The following ACOXL variants were observed in gnomAD, a reference collection of about 807,000 sequenced individuals.
The protein encoded by ACOXL is acyl-CoA oxidase like, also known as acyl-coenzyme A oxidase-like protein.
A neutral mutation model predicts 71.9 loss-of-function variants in ACOXL; 70 were observed. That is an observed-to-expected ratio of 0.97 (90% CI 0.80 to 1.19). ACOXL has a LOEUF of 1.19. Among genes scored for constraint, ACOXL ranks in the 50% most tolerant of loss-of-function variants. The probability of loss-of-function intolerance (pLI) is 0.00; values close to 1 mark genes in which losing one functional copy is unlikely to be tolerated. For synonymous variants in ACOXL, 253 were observed against 281.6 expected, an observed-to-expected ratio of 0.90 and a Z score of 1.02; for missense variants, 703 against 736.3, an observed-to-expected ratio of 0.95 and a Z score of 0.52.
chr2:110,870,542 C>G (rs1461106573), intron 10 of ACOXL, among the ~76,000 whole-genome samples: 2 of 152,054 alleles, frequency 1.3e-5, no homozygotes, highest in African/African-American at 4.8e-5. Context: ...AACATCAGCC[C>G]AAACCATTTA....
intron 13 of ACOXL, among the ~76,000 whole-genome samples, chr2:110,991,520 G>C (rs531311786): frequency 3.0e-4 from 46 of 151,486 alleles, no homozygotes; most frequent in African/African-American, 1.1e-3. Flanking sequence ...TGAGATTATT[G>C]GTCCCTCAAA....
At chr2:111,025,715 A>G (rs1429689358) in intron 14 of ACOXL, among the ~76,000 whole-genome samples, 1 of 152,144 alleles carries the variant, frequency 6.6e-6, no homozygotes, top group Non-Finnish European at 1.5e-5. Flanking sequence ...ATCCTTTATT[A>G]TATGAGATTG....
At chr2:111,091,535 T>C (rs2068524053) in intron 16 of ACOXL, among the ~76,000 whole-genome samples, 1 of 152,220 alleles carries the variant, frequency 6.6e-6, no homozygotes, top group South Asian at 2.1e-4. Flanking sequence ...AGACTCATGA[T>C]TTGGCTTAAC....
chr2:110,908,856 C>T lies in ACOXL; in HGVS notation c.856C>T (p.Arg286Trp), dbSNP rs778800133. 2.0e-5 allele frequency: 32 copies of T among 1,613,966 alleles called. No individual in the cohort carries two copies. The highest frequency in any genetic ancestry group is 1.7e-4 in the Middle Eastern group (1 of 6,060). ...CATTGAGCACCAAACACAGACCCTG[C>T]GGCTGATGCCCCACCTGGCCACAGC... is the stretch of plus-strand genomic sequence containing the variant. ...KIIEHQTQTLRLMPHLATALA... is the reference protein window; with the variant it reads ...KIIEHQTQTLWLMPHLATALA... The change falls in exon 11 of 18, where the codon CGG becomes TGG. Residue 286 changes from arginine (R) to tryptophan (W), a missense_variant. Physicochemically the swap from Arg to Trp is moderately radical, Grantham distance 101. Coordinates refer to ENST00000439055, the MANE Select transcript of ACOXL (RefSeq NM_001142807.4).
At chr2:110,812,724 A>G (rs1334761964) in intron 9 of ACOXL, among the ~76,000 whole-genome samples, 1 of 152,256 alleles carries the variant, frequency 6.6e-6, no homozygotes, top group East Asian at 1.9e-4. Flanking sequence ...GGACATGTGT[A>G]TCTGAAATGG....
In ACOXL at chr2:110,926,192, G is replaced by A. The variant is rs146975107; in HGVS notation, c.906-7297G>A. 7.6e-3 allele frequency among the ~76,000 whole-genome samples: 1,153 copies of A among 152,312 alleles called. 16 individuals are homozygous for A. Among genetic ancestry groups the A allele is most frequent in the African/African-American group, 0.026 (1,069 of 41,558 alleles). On this transcript the variant is annotated intron_variant, in intron 11 of 17. Coordinates refer to ENST00000439055, the MANE Select transcript of ACOXL (RefSeq NM_001142807.4). ...TAATAATGAAAAAGTTTGAAATATT[G>A]TGAGAATTACCAAAACGTCACAAAG...
At chr2:110,845,316 T>G (rs1400038087) in intron 10 of ACOXL, among the ~76,000 whole-genome samples, 4 of 152,164 alleles carry the variant, frequency 2.6e-5, no homozygotes, top group South Asian at 2.1e-4. Context: ...TATAAGGGTC[T>G]TCTTCTCATT....
At chr2:111,063,540 A>G (rs1428542487) in intron 16 of ACOXL, among the ~76,000 whole-genome samples, 5 of 152,202 alleles carry the variant, frequency 3.3e-5, no homozygotes, top group African/African-American at 7.2e-5. Context: ...TATCATTCCA[A>G]TTGATGCAGA....
At chr2:110,793,833 A>T in intron 4 of ACOXL, 97 bp downstream of exon 4, 7 of 1,106,166 alleles carry the variant, frequency 6.3e-6, no homozygotes, top group Non-Finnish European at 9.4e-6. Context: ...GAAAAATAAA[A>T]TAAAACAGAA....
chr2:110,734,507 G>A (rs2104627107), intron 1 of ACOXL, among the ~76,000 whole-genome samples: 1 of 152,156 alleles, frequency 6.6e-6, no homozygotes, highest in Non-Finnish European at 1.5e-5. Flanking sequence ...CTGACCTCAA[G>A]CGATCCGCCT....
At chr2:111,019,131 G>T (rs965941297) in intron 14 of ACOXL, among the ~76,000 whole-genome samples, 5 of 152,194 alleles carry the variant, frequency 3.3e-5, no homozygotes, top group African/African-American at 1.2e-4. Flanking sequence ...TGAACGTGAA[G>T]ATCATATTAT....
At chr2:110,752,881 G>T (rs535971559) in intron 1 of ACOXL, among the ~76,000 whole-genome samples, 5 of 152,254 alleles carry the variant, frequency 3.3e-5, no homozygotes, top group Non-Finnish European at 4.4e-5. Flanking sequence ...CGCTGGGTCA[G>T]GCTCTCCCAT....
intron 14 of ACOXL, among the ~76,000 whole-genome samples, chr2:111,029,980 G>A (rs762998414): frequency 2.6e-5 from 4 of 151,992 alleles, no homozygotes; most frequent in Non-Finnish European, 4.4e-5. Flanking sequence ...TGCACAGCCA[G>A]TTAGTTTTCT....
chr2:110,930,718 A>G (rs2060449298), intron 11 of ACOXL, among the ~76,000 whole-genome samples: 1 of 151,960 alleles, frequency 6.6e-6, no homozygotes, highest in Admixed American at 6.6e-5. Flanking sequence ...TTTCCGCTAT[A>G]CTCTTCTCAT....
chr2:110,854,670 G>T (rs1693029931), intron 10 of ACOXL, among the ~76,000 whole-genome samples: 1 of 152,210 alleles, frequency 6.6e-6, no homozygotes, highest in Non-Finnish European at 1.5e-5. Context: ...CAGGTGCAGG[G>T]ATGATGTGGC....
chr2:110,768,350 T>C lies in ACOXL; in HGVS notation c.-22-18T>C. 6.2e-7 allele frequency: 1 copy of C among 1,606,178 alleles called. No individual in the cohort carries two copies. On this transcript the variant is annotated intron_variant, in intron 1 of 17. Coordinates refer to ENST00000439055, the MANE Select transcript of ACOXL (RefSeq NM_001142807.4). The stretch of plus-strand genomic sequence containing the variant: ...TCACCAATTATTGGCTGTCTTATTT[T>C]GTATCTGTTCTTCACAGGTATGATT...
At chr2:111,021,215 A>G (rs552339842) in intron 14 of ACOXL, among the ~76,000 whole-genome samples, 5 of 152,064 alleles carry the variant, frequency 3.3e-5, no homozygotes, top group African/African-American at 9.6e-5. Context: ...TTGTACTTCA[A>G]CTCTGACCTG....
chr2:110,992,465 C>T (rs1163435120), intron 13 of ACOXL, among the ~76,000 whole-genome samples: 1 of 152,194 alleles, frequency 6.6e-6, no homozygotes, highest in African/African-American at 2.4e-5. Flanking sequence ...GGCATAGTGA[C>T]AGCCCTGAGA....
chr2:110,894,973 C>T (rs1017868360), intron 10 of ACOXL, among the ~76,000 whole-genome samples: 1 of 152,114 alleles, frequency 6.6e-6, no homozygotes, highest in African/African-American at 2.4e-5. Flanking sequence ...TAGAGTCTCA[C>T]AATATAACAT....
Sources: gnomAD v4.1 joint callset for allele counts (sites outside exome capture counted in the v4.1 genomes callset) on GRCh38, gnomAD v4.1.1 for gene constraint, MANE v1.5 for transcripts, NCBI Gene and HGNC (gene_info 2026-07-23, HGNC 2026-07-21) for gene names.